TRIM6: variants seen among roughly 807,000 people sequenced by gnomAD.
TRIM6 encodes the protein tripartite motif containing 6, also known as tripartite motif-containing protein 6.
In TRIM6, 43 loss-of-function variants were observed where a neutral mutation model predicts 51.2. That is an observed-to-expected ratio of 0.84 (90% CI 0.66 to 1.08). The LOEUF (loss-of-function observed/expected upper bound fraction) is 1.08. Among genes scored for constraint, TRIM6 ranks in the 50% least tolerant of loss-of-function variants. TRIM6 has a pLI of 0.00. For synonymous variants in TRIM6, 215 were observed against 232.4 expected (o/e 0.93, Z 0.68); for missense variants, 669 against 619.0 (o/e 1.08, Z -0.86).
intron 2 of TRIM6, 40 bp from the exon 3 acceptor site, chr11:5,604,494 G>A: frequency 6.3e-7 from 1 of 1,590,278 alleles, no homozygotes; most frequent in Non-Finnish European, 8.5e-7. Context: ...TGAGTCAACT[G>A]AAGGCTTGAT....
chr11:5,604,749 T>C, intron 3 of TRIM6, 120 bp downstream of exon 3: 1 of 1,053,760 alleles, frequency 9.5e-7, no homozygotes, highest in Non-Finnish European at 1.3e-6. Flanking sequence ...AGAGCTTCCC[T>C]TTGCCTGGTC....
At chr11:5,605,263 A>G in intron 3 of TRIM6, 74 bp from the exon 4 acceptor site, 3 of 1,603,770 alleles carry the variant, frequency 1.9e-6, no homozygotes, top group Non-Finnish European at 2.6e-6. Context: ...CCTGAGCCCA[A>G]CTTCCCCGCT....
chr11:5,608,400 T>A lies in TRIM6; in HGVS notation c.857+6T>A, dbSNP rs1359597674. The A allele has an allele frequency of 1.2e-6, 2 of 1,613,702 alleles. No homozygotes were observed. The highest frequency in any genetic ancestry group is 2.2e-5 in the South Asian group (2 of 91,048). On this transcript the variant is annotated splice_donor_region_variant and intron_variant, in intron 5 of 7. Coordinates refer to ENST00000380097, the MANE Select transcript of TRIM6 (RefSeq NM_001003818.3). Reference sequence around the variant, plus strand: ...GTGAGTGATGTCACAGAAAGGTATGTGTAAGGAGAACATGAGGTAGTTCCC... The same window carrying A: ...GTGAGTGATGTCACAGAAAGGTATGAGTAAGGAGAACATGAGGTAGTTCCC...
chr11:5,603,517 C>A lies in TRIM6; in HGVS notation c.289C>A (p.Arg97=), dbSNP rs771784014. ...GACCAGCTACCAGCCAGGGAACCTG[C>A]GGCCTAATCGGCATCTGGCCAACAT... ...CQTSYQPGNL[R]PNRHLANIVR... Residue 97 remains arginine (R), a synonymous_variant, in exon 2 of 8, where the codon CGG becomes AGG. Coordinates refer to ENST00000380097, the MANE Select transcript of TRIM6 (RefSeq NM_001003818.3). 1.1e-5 allele frequency: 18 copies of A among 1,613,978 alleles called. No individual in the cohort carries two copies. In the African/African-American group the frequency reaches 2.0e-4, roughly 18 times the overall value.
Position 5,596,884 on chromosome 11 carries a change from T to G in TRIM6, c.-14T>G. ...TTGCTTACATCTGGAACTTCTTGGCTTCTCATTCCCCAGATGTGCGGGTCA... is the reference window on the plus strand; with the variant it reads ...TTGCTTACATCTGGAACTTCTTGGCGTCTCATTCCCCAGATGTGCGGGTCA... On this transcript the variant is annotated 5_prime_UTR_variant, in exon 1 of 8. Coordinates refer to ENST00000380097, the MANE Select transcript of TRIM6 (RefSeq NM_001003818.3). 6.2e-7 allele frequency: 1 copy of G among 1,614,090 alleles called. No individual in the cohort carries two copies. The highest frequency in any genetic ancestry group is 1.1e-5 in the South Asian group (1 of 91,072).
chr11:5,598,392 C>T (rs1847608361), intron 1 of TRIM6, among the ~76,000 whole-genome samples: 1 of 152,034 alleles, frequency 6.6e-6, no homozygotes, highest in South Asian at 2.1e-4. Flanking sequence ...TTTTCTCTGT[C>T]TAAAGAGAGT....
At chr11:5,596,560 C>CCTCCCCCCTTCCCCCTTCCT (rs1847474764), upstream of TRIM6, 2 of 123,650 alleles carry the variant, frequency 1.6e-5, no homozygotes, top group Non-Finnish European at 3.4e-5. Context: ...TCCCCCTTCC[C>CCTCCCCCCTTCCCCCTTCCT]CTCCCCCATC....
chr11:5,611,388 A>G lies in TRIM6; in HGVS notation c.*46A>G, dbSNP rs771073449. 3.5e-6 allele frequency: 5 copies of G among 1,410,168 alleles called. No homozygotes were observed. In the South Asian group the frequency reaches 6.3e-5, roughly 18 times the overall value. 87.4% of individuals were successfully genotyped at this position (1,410,168 alleles called of 1,614,324 possible). A position where few individuals can be genotyped will look rare whatever the true frequency, so the allele number is the denominator to read the frequency against. Reference sequence around the variant, plus strand: ...ACTTCTGATAAGTACCCTGAGGCTTATCAGCATGTGATTCTCCCTTCTGAT... The same window carrying G: ...ACTTCTGATAAGTACCCTGAGGCTTGTCAGCATGTGATTCTCCCTTCTGAT... On this transcript the variant is annotated 3_prime_UTR_variant, in exon 8 of 8. Transcript: ENST00000380097.
At chr11:5,600,876 T>C (rs915697760) in intron 1 of TRIM6, among the ~76,000 whole-genome samples, 1 of 152,078 alleles carries the variant, frequency 6.6e-6, no homozygotes, top group East Asian at 1.9e-4. Flanking sequence ...CAAACACAAC[T>C]CCAGGTAGAC....
intron 5 of TRIM6, among the ~76,000 whole-genome samples, chr11:5,609,175 A>C (rs1229479691): frequency 6.6e-6 from 1 of 152,084 alleles, no homozygotes; most frequent in African/African-American, 2.4e-5. Context: ...ACAAGGTGAC[A>C]TGTCAAGCTG....
chr11:5,612,660 T>C lies in TRIM6; in HGVS notation c.*1318T>C, dbSNP rs1848620308. ...TTGGTAGAGAGGTGCAATATGTTTTTTGAACCAGCTATAAAAGAAATTAAG... is the reference window on the plus strand; with the variant it reads ...TTGGTAGAGAGGTGCAATATGTTTTCTGAACCAGCTATAAAAGAAATTAAG... On this transcript the variant is annotated 3_prime_UTR_variant, in exon 8 of 8. Coordinates refer to ENST00000380097, the MANE Select transcript of TRIM6 (RefSeq NM_001003818.3). The C allele has an allele frequency of 6.6e-6, 1 of 152,178 alleles. No homozygotes were observed. Among genetic ancestry groups the C allele is most frequent in the Admixed American group, 6.5e-5 (1 of 15,274 alleles). The allele number at this position is 152,178 out of a possible 1,614,324, so 9.4% of individuals were successfully genotyped here.
intron 4 of TRIM6, among the ~76,000 whole-genome samples, chr11:5,607,397 A>G (rs886204773): frequency 2.6e-5 from 4 of 152,284 alleles, no homozygotes; most frequent in Middle Eastern, 3.4e-3. Flanking sequence ...ACCACATTCT[A>G]TGTTCAAGCC....
chr11:5,608,469 G>C, intron 5 of TRIM6, 75 bp downstream of exon 5: 1 of 1,597,028 alleles, frequency 6.3e-7, no homozygotes, highest in East Asian at 2.3e-5. Flanking sequence ...AGTGGGAAAG[G>C]GAAGAAGAAT....
intron 1 of TRIM6, among the ~76,000 whole-genome samples, chr11:5,599,273 T>C (rs1847672475): frequency 6.6e-6 from 1 of 152,192 alleles, no homozygotes; most frequent in Non-Finnish European, 1.5e-5. Flanking sequence ...TTCAAGAGAA[T>C]TGGGTACGCT....
At position 5,611,517 on chromosome 11, in the gene TRIM6, A is replaced by C; in HGVS notation, c.*175A>C. ...CGCCCAGGCTGGAGTGCACTGGCGC[A>C]ATCTCGGCTCACTGCAACCTCTGCC... On this transcript the variant is annotated 3_prime_UTR_variant, in exon 8 of 8. Transcript: ENST00000380097. 1 of 603,330 alleles carries C rather than the reference A, an allele frequency of 1.7e-6. No homozygotes were observed. Among genetic ancestry groups the C allele is most frequent in the East Asian group, 2.9e-5 (1 of 34,986 alleles). 37.4% of individuals were successfully genotyped at this position (603,330 alleles called of 1,614,324 possible).
intron 2 of TRIM6, among the ~76,000 whole-genome samples, 161 bp from the exon 3 acceptor site, chr11:5,604,373 A>C (rs7108470): frequency 1.3e-5 from 2 of 151,908 alleles, no homozygotes; most frequent in African/African-American, 4.8e-5. Flanking sequence ...TTTTCATCCC[A>C]TGTATATATA....
intron 1 of TRIM6, among the ~76,000 whole-genome samples, chr11:5,598,615 AC>A (rs1448267800): frequency 6.6e-6 from 1 of 152,196 alleles, no homozygotes; most frequent in Non-Finnish European, 1.5e-5. Flanking sequence ...AGATCCTTTA[AC>A]TTTTTTAAAC....
chr11:5,596,859 T>C lies in TRIM6; in HGVS notation c.-39T>C, dbSNP rs751341708. 1.9e-6 allele frequency: 3 copies of C among 1,613,830 alleles called. No individual in the cohort carries two copies. The highest frequency in any genetic ancestry group is 1.1e-5 in the South Asian group (1 of 91,062). On this transcript the variant is annotated 5_prime_UTR_variant, in exon 1 of 8. Coordinates refer to ENST00000380097, the MANE Select transcript of TRIM6 (RefSeq NM_001003818.3). ...TCTGAAGAGCTTTGACCACCTGATATTGCTTACATCTGGAACTTCTTGGCT... is the reference window on the plus strand; with the variant it reads ...TCTGAAGAGCTTTGACCACCTGATACTGCTTACATCTGGAACTTCTTGGCT...
chr11:5,603,197 C>T (rs1847971743), intron 1 of TRIM6, 49 bp from the exon 2 acceptor site: 3 of 1,575,636 alleles, frequency 1.9e-6, no homozygotes, highest in African/African-American at 1.4e-5. Flanking sequence ...TTCCCTTATT[C>T]TCCCTCCTTT....
Sources: gnomAD v4.1 joint callset for allele counts (sites outside exome capture counted in the v4.1 genomes callset) on GRCh38, gnomAD v4.1.1 for gene constraint, MANE v1.5 for transcripts, NCBI Gene and HGNC (gene_info 2026-07-23, HGNC 2026-07-21) for gene names.